The following GSE1 variants were observed in gnomAD, a reference collection of about 807,000 sequenced individuals.
The protein encoded by GSE1 is Gse1 coiled-coil protein, also known as genetic suppressor element 1.
In GSE1, 32 loss-of-function variants were observed where a neutral mutation model predicts 112.6. The observed-to-expected ratio is 0.28, with a 90% CI of 0.21 to 0.38. The LOEUF (loss-of-function observed/expected upper bound fraction) is 0.38. Ranked by LOEUF, GSE1 falls within the 10% of genes least tolerant of loss-of-function variation. GSE1 has a pLI of 1.00. For synonymous variants in GSE1, 1,115 were observed against 735.6 expected, an observed-to-expected ratio of 1.52 and a Z score of -8.35; for missense variants, 2,348 against 1,699.2, an observed-to-expected ratio of 1.38 and a Z score of -6.71.
intron 1 of GSE1, among the ~76,000 whole-genome samples, chr16:85,269,533 C>T (rs1908614777): frequency 6.7e-6 from 1 of 149,466 alleles, no homozygotes; most frequent in South Asian, 2.1e-4. Context: ...GAAATTCTTA[C>T]AAACACAGTG....
intron 1 of GSE1, among the ~76,000 whole-genome samples, chr16:85,258,451 C>G (rs886092535): frequency 2.0e-5 from 3 of 152,212 alleles, no homozygotes; most frequent in Non-Finnish European, 4.4e-5. Flanking sequence ...GGGTCCCCAC[C>G]ACGAGCTGCA....
Position 85,295,391 on chromosome 16 carries a change from C to G in GSE1, c.2284-62072C>G, listed in dbSNP as rs181989677. Among the ~76,000 whole-genome samples the G allele has an allele frequency of 4.0e-3, 603 of 152,392 alleles. 2 individuals are homozygous for G. The highest frequency in any genetic ancestry group is 0.024 in the Middle Eastern group (7 of 294). On this transcript the variant is annotated intron_variant, in intron 1 of 2. Transcript: ENST00000637419. ...GGTTCACGCGTGCTGCAGCGCGGGT[C>G]AGCACATCAGCCCTTTTATGGCTGA...
intron 1 of GSE1, among the ~76,000 whole-genome samples, chr16:85,214,698 G>A (rs372631580): frequency 1.2e-4 from 18 of 152,312 alleles, no homozygotes; most frequent in African/African-American, 2.2e-4. Flanking sequence ...GGCCCCGCCC[G>A]GTCCCCTCTC....
At chr16:85,607,074 C>A, upstream of GSE1, among the ~76,000 whole-genome samples, 1 of 12,264 alleles carries the variant, frequency 8.2e-5, no homozygotes, top group Non-Finnish European at 2.1e-4. Flanking sequence ...GTGGGGGGGG[C>A]GGGAGGGAGG....
At chr16:85,192,788 A>G (rs1223185905) in intron 1 of GSE1, among the ~76,000 whole-genome samples, 1 of 152,160 alleles carries the variant, frequency 6.6e-6, no homozygotes, top group Non-Finnish European at 1.5e-5. Flanking sequence ...CAGCTGTTGG[A>G]AGGGACTAAG....
intron 1 of GSE1, among the ~76,000 whole-genome samples, chr16:85,344,137 C>A (rs1047674448): frequency 2.6e-5 from 4 of 152,194 alleles, no homozygotes; most frequent in African/African-American, 9.7e-5. Context: ...CAATCCAAAT[C>A]TCTGGCACTG....
At position 85,671,021 on chromosome 16, in the gene GSE1, C is replaced by T; in HGVS notation, c.3442C>T (p.Gln1148Ter). 1 of 1,611,170 alleles carries T rather than the reference C, an allele frequency of 6.2e-7. No homozygotes were observed. The highest frequency in any genetic ancestry group is 8.5e-7 in the Non-Finnish European group (1 of 1,177,474). ...GCAAAATCTGGAGCGGCAGGTGTTA[C>T]AGACACAATGTAGACGACTGGAGGC... ...EEQNLERQVL[Q>*]TQCRRLEARH... The change falls in exon 15 of 16, where the codon CAG (glutamine) becomes TAG (stop). Residue 1148 changes from glutamine to a stop codon, truncating the protein, a stop_gained. Transcript: ENST00000253458. LOFTEE classifies it high-confidence loss of function.
chr16:85,512,937 A>G (rs1423782121), intron 2 of GSE1, among the ~76,000 whole-genome samples: 1 of 152,028 alleles, frequency 6.6e-6, no homozygotes, highest in Non-Finnish European at 1.5e-5. Flanking sequence ...AGCTACAACC[A>G]TGGTGTTCTG....
chr16:85,345,011 C>G (rs1481227474), intron 1 of GSE1, among the ~76,000 whole-genome samples: 1 of 152,236 alleles, frequency 6.6e-6, no homozygotes, highest in Non-Finnish European at 1.5e-5. Flanking sequence ...AGGCCCTCCT[C>G]CCTGACGGGT....
chr16:85,258,070 A>G (rs935971815), intron 1 of GSE1, among the ~76,000 whole-genome samples: 1 of 152,170 alleles, frequency 6.6e-6, no homozygotes, highest in Non-Finnish European at 1.5e-5. Context: ...CAGTGCCCCC[A>G]TGGGCAAAAC....
chr16:85,360,121 G>A (rs1320907017), intron 2 of GSE1, among the ~76,000 whole-genome samples: 1 of 152,004 alleles, frequency 6.6e-6, no homozygotes, highest in Non-Finnish European at 1.5e-5. Flanking sequence ...GCCCTTTTTG[G>A]AGACCTTTGG....
At chr16:85,393,981 G>T (rs1167869772) in intron 2 of GSE1, among the ~76,000 whole-genome samples, 1 of 151,758 alleles carries the variant, frequency 6.6e-6, no homozygotes, top group Non-Finnish European at 1.5e-5. Flanking sequence ...CCACGGTGGA[G>T]CGCGCCCCTC....
intron 1 of GSE1, among the ~76,000 whole-genome samples, chr16:85,590,315 T>A (rs1598299842): frequency 6.7e-6 from 1 of 148,626 alleles, no homozygotes; most frequent in East Asian, 2.0e-4. Context: ...CATGGGCCCA[T>A]GTGTGAATGT....
Position 85,648,563 on chromosome 16 carries a change from A to G in GSE1, c.238A>G (p.Ser80Gly). The change falls in exon 3 of 16, where the codon AGC (serine) becomes GGC (glycine). Residue 80 changes from serine (S) to glycine (G), a missense_variant. Transcript: ENST00000253458. ...QAEEPRGSSLSSESSPVSSPA... is the reference protein window; with the variant it reads ...QAEEPRGSSLGSESSPVSSPA... ...CTTCTCCTCCACAGGGTCCTCACTG[A>G]GCAGCGAGTCGTCCCCCGTGTCCTC... is the stretch of plus-strand genomic sequence containing the variant. 1 of 1,562,266 alleles carries G rather than the reference A, an allele frequency of 6.4e-7. No homozygotes were observed. Among genetic ancestry groups the G allele is most frequent in the Non-Finnish European group, 8.7e-7 (1 of 1,152,744 alleles).
At chr16:85,447,177 G>A (rs2049540466) in intron 2 of GSE1, among the ~76,000 whole-genome samples, 1 of 152,158 alleles carries the variant, frequency 6.6e-6, no homozygotes, top group African/African-American at 2.4e-5. Context: ...CACCTTGCCT[G>A]CTTTGCAAGC....
At chr16:85,240,421 G>T (rs1386814201) in intron 1 of GSE1, among the ~76,000 whole-genome samples, 2 of 152,240 alleles carry the variant, frequency 1.3e-5, no homozygotes, top group Non-Finnish European at 2.9e-5. Flanking sequence ...TGGAGTGTCA[G>T]CATCCGGCAC....
At chr16:85,278,154 G>A (rs1909557959) in intron 1 of GSE1, among the ~76,000 whole-genome samples, 2 of 152,246 alleles carry the variant, frequency 1.3e-5, no homozygotes, top group Non-Finnish European at 2.9e-5. Flanking sequence ...CTGAAGTCCG[G>A]GGTCTGAATT....
At chr16:85,314,532 A>C (rs185934226) in intron 1 of GSE1, among the ~76,000 whole-genome samples, 1 of 152,290 alleles carries the variant, frequency 6.6e-6, no homozygotes, top group East Asian at 1.9e-4. Context: ...GTGTGTGCAC[A>C]CATGCATGCA....
intron 2 of GSE1, among the ~76,000 whole-genome samples, chr16:85,541,203 A>G (rs1420918384): frequency 6.6e-6 from 1 of 152,214 alleles, no homozygotes; most frequent in Non-Finnish European, 1.5e-5. Context: ...CTGATAGGCC[A>G]AGGCTGGGAT....
Sources: gnomAD v4.1 joint callset for allele counts (sites outside exome capture counted in the v4.1 genomes callset) on GRCh38, gnomAD v4.1.1 for gene constraint, MANE v1.5 for transcripts, NCBI Gene and HGNC (gene_info 2026-07-23, HGNC 2026-07-21) for gene names.